The following ANKDD1A variants were observed in gnomAD, a reference collection of about 807,000 sequenced individuals.
ANKDD1A encodes the protein ankyrin repeat and death domain containing 1A.
Under a neutral mutation model 63.5 loss-of-function variants are expected in ANKDD1A, and 59 were observed. The ratio of observed to expected loss-of-function variants is 0.93; its 90% CI spans 0.75 to 1.15. ANKDD1A has a LOEUF of 1.15. Among genes scored for constraint, ANKDD1A ranks in the 50% most tolerant of loss-of-function variants. ANKDD1A has a pLI of 0.00. For synonymous variants in ANKDD1A, 266 were observed against 263.9 expected, an observed-to-expected ratio of 1.01 and a Z score of -0.08; for missense variants, 632 against 656.4, an observed-to-expected ratio of 0.96 and a Z score of 0.41.
At chr15:64,926,305 C>T (rs1369652554) in intron 5 of ANKDD1A, 135 bp downstream of exon 5, 8 of 848,928 alleles carry the variant, frequency 9.4e-6, no homozygotes, top group East Asian at 2.7e-5. Context: ...CCTGGGGAGC[C>T]GCTGGTTGGG....
Position 64,938,913 on chromosome 15 carries a change from C to T in ANKDD1A, c.868-3554C>T, listed in dbSNP as rs147868478. On this transcript the variant is annotated intron_variant, in intron 9 of 14. Coordinates refer to ENST00000319580, the MANE Select transcript of ANKDD1A (RefSeq NM_182703.6). The stretch of plus-strand genomic sequence containing the variant: ...TGAGCCGAGATCGCGCCACTGCACG[C>T]CAGCCTGGGCAACAGAGAGAGACTC... 6.0e-3 allele frequency among the ~76,000 whole-genome samples: 898 copies of T among 149,038 alleles called. 46 individuals carry two copies. In the South Asian group the frequency reaches 0.12, roughly 19 times the overall value.
intron 1 of ANKDD1A, among the ~76,000 whole-genome samples, chr15:64,915,401 G>T (rs946126348): frequency 1.3e-5 from 2 of 152,242 alleles, no homozygotes; most frequent in East Asian, 3.8e-4. Flanking sequence ...AGTAAATCCT[G>T]GCTGTGTAGA....
intron 12 of ANKDD1A, among the ~76,000 whole-genome samples, chr15:64,945,188 A>T (rs1434437447): frequency 6.6e-6 from 1 of 152,204 alleles, no homozygotes; most frequent in Non-Finnish European, 1.5e-5. Context: ...TTGGGACAGA[A>T]GAGTGGCAGA....
chr15:64,917,380 G>A lies in ANKDD1A; in HGVS notation c.139-6G>A, dbSNP rs566638965. 1.8e-5 allele frequency: 29 copies of A among 1,601,886 alleles called. No individual in the cohort carries two copies. Among genetic ancestry groups the A allele is most frequent in the South Asian group, 7.8e-5 (7 of 89,902 alleles). On this transcript the variant is annotated splice_polypyrimidine_tract_variant and splice_region_variant and intron_variant, in intron 2 of 14. Coordinates refer to ENST00000319580, the MANE Select transcript of ANKDD1A (RefSeq NM_182703.6). ...CACCTGACAAGTGTCATCTCCCTCCGGGCAGGTGGGCAGGGTGGCCCTGCA... is the reference window on the plus strand; with the variant it reads ...CACCTGACAAGTGTCATCTCCCTCCAGGCAGGTGGGCAGGGTGGCCCTGCA...
In ANKDD1A at chr15:64,949,959, G is replaced by A. The variant is rs2140384073; in HGVS notation, c.1470G>A (p.Arg490=). ...ALFEGLVAIG[R]RDLAGWSTMA... is the part of the protein sequence containing the mutation. ...TCGAGGGCCTCGTGGCCATTGGCAGGAGGGACCTGGCTGGTAAGAGCGTAC... is the reference window on the plus strand; with the variant it reads ...TCGAGGGCCTCGTGGCCATTGGCAGAAGGGACCTGGCTGGTAAGAGCGTAC... Residue 490 remains arginine, a synonymous_variant, in exon 14 of 15, where the codon AGG becomes AGA. Coordinates refer to ENST00000319580, the MANE Select transcript of ANKDD1A (RefSeq NM_182703.6). The A allele has an allele frequency of 6.2e-7, 1 of 1,610,004 alleles. No individual in the cohort carries two copies. The highest frequency in any genetic ancestry group is 2.2e-5 in the East Asian group (1 of 44,890).
chr15:64,951,153 T>C, intron 14 of ANKDD1A: 2 of 1,115,006 alleles, frequency 1.8e-6, no homozygotes, highest in African/African-American at 1.7e-5. Flanking sequence ...TGCACAGTCA[T>C]GCAGAGCCCA....
intron 14 of ANKDD1A, chr15:64,951,282 T>TTTTCTTCTTCTTC (rs2085267683): frequency 1.1e-6 from 1 of 908,028 alleles, no homozygotes; most frequent in South Asian, 5.4e-5. Context: ...TCTTCTTCTT[T>TTTTCTTCTTCTTC]TTCTTTTCTT....
intron 1 of ANKDD1A, among the ~76,000 whole-genome samples, chr15:64,914,968 C>T (rs2084958386): frequency 6.6e-6 from 1 of 152,040 alleles, no homozygotes; most frequent in African/African-American, 2.4e-5. Flanking sequence ...ATCAGGGTAG[C>T]CTCAGCGTGG....
intron 13 of ANKDD1A, 68 bp downstream of exon 13, chr15:64,947,661 C>G (rs917370784): frequency 6.5e-7 from 1 of 1,538,860 alleles, no homozygotes; most frequent in Non-Finnish European, 8.8e-7. Flanking sequence ...GAAATGTGTT[C>G]AGTTTTCTGT....
chr15:64,927,280 G>C (rs573872488), intron 6 of ANKDD1A, among the ~76,000 whole-genome samples: 1 of 152,236 alleles, frequency 6.6e-6, no homozygotes, highest in Non-Finnish European at 1.5e-5. Flanking sequence ...CTGATCCGAC[G>C]TGGCTGGCCA....
chr15:64,926,795 G>A, intron 5 of ANKDD1A, 106 bp from the exon 6 acceptor site: 2 of 1,170,116 alleles, frequency 1.7e-6, no homozygotes, highest in Non-Finnish European at 2.5e-6. Context: ...GGCAGGAGAG[G>A]CCACTACAAA....
At chr15:64,956,080 G>C (rs1409476178) in intron 14 of ANKDD1A, among the ~76,000 whole-genome samples, 1 of 152,120 alleles carries the variant, frequency 6.6e-6, no homozygotes, top group African/African-American at 2.4e-5. Flanking sequence ...TATGGAAAGA[G>C]CTCCAGGATA....
intron 14 of ANKDD1A, chr15:64,951,556 T>TC (rs1182908249): frequency 2.9e-4 from 2 of 6,872 alleles, no homozygotes; most frequent in African/African-American, 3.8e-4. Context: ...CTTCTCTTCT[T>TC]TCTTTTTCTT....
chr15:64,919,228 C>T (rs951047662), intron 3 of ANKDD1A, among the ~76,000 whole-genome samples: 4 of 152,142 alleles, frequency 2.6e-5, no homozygotes, highest in Non-Finnish European at 5.9e-5. Context: ...TCCCATGGCT[C>T]TCCCTCCCTC....
intron 2 of ANKDD1A, among the ~76,000 whole-genome samples, chr15:64,916,698 C>G (rs897321238): frequency 1.8e-4 from 27 of 152,178 alleles, no homozygotes; most frequent in African/African-American, 6.3e-4. Flanking sequence ...GGCAGAAGCC[C>G]TGAGGTAGGA....
chr15:64,953,361 T>TTAG, intron 14 of ANKDD1A, among the ~76,000 whole-genome samples: 1 of 146,878 alleles, frequency 6.8e-6, no homozygotes, highest in South Asian at 2.1e-4. Context: ...TTAGTTCTTC[T>TTAG]TTCTTCTCCT....
At chr15:64,954,724 C>CCTCCTCCTT (rs1161616940) in intron 14 of ANKDD1A, among the ~76,000 whole-genome samples, 1 of 93,458 alleles carries the variant, frequency 1.1e-5, no homozygotes, top group African/African-American at 3.8e-5. Context: ...TCCTTCTCCT[C>CCTCCTCCTT]CTCCTTCTTC....
intron 9 of ANKDD1A, among the ~76,000 whole-genome samples, chr15:64,937,600 C>T (rs1247920104): frequency 2.0e-5 from 3 of 150,876 alleles, no homozygotes; most frequent in East Asian, 1.9e-4. Flanking sequence ...TGGTGGCACA[C>T]GCCTGTAGTC....
chr15:64,947,706 T>C (rs2140382525), intron 13 of ANKDD1A, 113 bp downstream of exon 13: 6 of 1,324,616 alleles, frequency 4.5e-6, no homozygotes, highest in East Asian at 2.5e-5. Flanking sequence ...ACCCACAGCC[T>C]GGTCCCACAC....
Sources: allele counts gnomAD v4.1 joint callset (sites outside exome capture counted in the v4.1 genomes callset), GRCh38; gene constraint gnomAD v4.1.1; transcripts MANE v1.5; gene names NCBI Gene and HGNC (gene_info 2026-07-23, HGNC 2026-07-21).